CSNK1A1: variants seen among roughly 807,000 people sequenced by gnomAD.
CSNK1A1 encodes casein kinase I isoform alpha.
In CSNK1A1, 7 loss-of-function variants were observed where a neutral mutation model predicts 46.1. The observed-to-expected ratio is 0.15, with a 90% CI of 0.09 to 0.29. CSNK1A1 has a LOEUF of 0.29. Among genes scored for constraint, CSNK1A1 ranks in the 10% least tolerant of loss-of-function variants. The probability of loss-of-function intolerance (pLI) is 1.00; values close to 1 mark genes in which losing one functional copy is unlikely to be tolerated. For missense variants in CSNK1A1, 96 were observed against 417.1 expected, an observed-to-expected ratio of 0.23 and a Z score of 6.71; for synonymous variants, 137 against 141.5, an observed-to-expected ratio of 0.97 and a Z score of 0.23.
intron 5 of CSNK1A1, among the ~76,000 whole-genome samples, chr5:149,512,300 T>C (rs1465893588): frequency 6.6e-6 from 1 of 151,924 alleles, no homozygotes; most frequent in African/African-American, 2.4e-5. Flanking sequence ...TACACATACA[T>C]ACAAATATAT....
chr5:149,542,617 T>C (rs1255832090), intron 2 of CSNK1A1, among the ~76,000 whole-genome samples: 7 of 11,800 alleles, frequency 5.9e-4, no homozygotes, highest in South Asian at 3.5e-3. Flanking sequence ...TATATATATA[T>C]ATATATATAT....
chr5:149,498,185 A>G, intron 9 of CSNK1A1: 1 of 985,272 alleles, frequency 1.0e-6, no homozygotes, highest in Non-Finnish European at 1.2e-6. Flanking sequence ...TTGTGGGAGA[A>G]ACAAAATAAT....
At chr5:149,507,568 C>T (rs1268630505) in intron 7 of CSNK1A1, among the ~76,000 whole-genome samples, 1 of 152,030 alleles carries the variant, frequency 6.6e-6, no homozygotes, top group East Asian at 1.9e-4. Context: ...TTCAAGCGAT[C>T]CTCCAACCTC....
chr5:149,522,041 T>TCAAATTA (rs1280361279), intron 3 of CSNK1A1, among the ~76,000 whole-genome samples: 2 of 152,194 alleles, frequency 1.3e-5, no homozygotes, highest in Non-Finnish European at 2.9e-5. Context: ...TGTCATTATG[T>TCAAATTA]AAACAAATTT....
chr5:149,498,921 G>T (rs1230726040), intron 9 of CSNK1A1: 2 of 985,248 alleles, frequency 2.0e-6, no homozygotes, highest in Admixed American at 1.2e-4. Flanking sequence ...CTGAGGAATT[G>T]CTGAGTCAAT....
At chr5:149,549,965 G>A in intron 2 of CSNK1A1, 110 bp downstream of exon 2, 2 of 1,311,554 alleles carry the variant, frequency 1.5e-6, no homozygotes, top group Non-Finnish European at 2.1e-6. Context: ...AGGGAACCCA[G>A]GTAACTAAAA....
chr5:149,549,948 C>T, intron 2 of CSNK1A1, 127 bp downstream of exon 2: 2 of 1,099,282 alleles, frequency 1.8e-6, no homozygotes, highest in Non-Finnish European at 1.3e-6. Context: ...AGGAAACCAC[C>T]AGCTATAGGG....
At chr5:149,546,690 T>C (rs1483789757) in intron 2 of CSNK1A1, among the ~76,000 whole-genome samples, 1 of 150,814 alleles carries the variant, frequency 6.6e-6, no homozygotes, top group East Asian at 1.9e-4. Flanking sequence ...AGGGAAGGGA[T>C]TGAACAAATT....
intron 2 of CSNK1A1, among the ~76,000 whole-genome samples, chr5:149,526,691 T>A (rs1761734319): frequency 6.6e-6 from 1 of 151,712 alleles, no homozygotes; most frequent in Non-Finnish European, 1.5e-5. Flanking sequence ...AAGAAAAGAG[T>A]CTATTCTAAC....
intron 4 of CSNK1A1, among the ~76,000 whole-genome samples, chr5:149,519,957 G>T (rs920067994): frequency 6.6e-6 from 1 of 152,156 alleles, no homozygotes; most frequent in Non-Finnish European, 1.5e-5. Flanking sequence ...AGGAAGAAAA[G>T]AATATGGGGG....
intron 2 of CSNK1A1, among the ~76,000 whole-genome samples, chr5:149,535,533 A>G (rs933277898): frequency 6.6e-6 from 1 of 152,252 alleles, no homozygotes; most frequent in African/African-American, 2.4e-5. Context: ...TTAAAAAGGG[A>G]TAACATGTAC....
At chr5:149,504,381 C>A in intron 9 of CSNK1A1, 1 of 977,614 alleles carries the variant, frequency 1.0e-6, no homozygotes, top group Non-Finnish European at 1.2e-6. Context: ...AAATACAACA[C>A]TAAAAATGTG....
At chr5:149,544,225 T>C (rs897324598) in intron 2 of CSNK1A1, among the ~76,000 whole-genome samples, 3 of 152,204 alleles carry the variant, frequency 2.0e-5, no homozygotes, top group Non-Finnish European at 4.4e-5. Flanking sequence ...CAATCCTTTT[T>C]TTATGTTCTA....
At chr5:149,502,400 G>T in intron 9 of CSNK1A1, 2 of 717,218 alleles carry the variant, frequency 2.8e-6, no homozygotes, top group Non-Finnish European at 3.4e-6. Context: ...GAGTGCAGTG[G>T]CATGATCACA....
intron 5 of CSNK1A1, among the ~76,000 whole-genome samples, chr5:149,512,165 G>A (rs1031431197): frequency 4.6e-5 from 7 of 151,628 alleles, no homozygotes; most frequent in Admixed American, 6.6e-5. Flanking sequence ...AATGAACCAA[G>A]CAGGATGACA....
chr5:149,528,992 C>T (rs982486398), intron 2 of CSNK1A1, among the ~76,000 whole-genome samples: 4 of 152,062 alleles, frequency 2.6e-5, no homozygotes, highest in Admixed American at 1.3e-4. Context: ...AAGTACAAGA[C>T]GTGTTGCTAC....
intron 2 of CSNK1A1, among the ~76,000 whole-genome samples, chr5:149,537,089 C>T (rs1354047782): frequency 1.3e-5 from 2 of 151,952 alleles, no homozygotes; most frequent in East Asian, 3.9e-4. Flanking sequence ...AAAAAGCAGT[C>T]GCCTGGCCAG....
intron 2 of CSNK1A1, 150 bp downstream of exon 2, chr5:149,549,925 A>T: frequency 1.3e-6 from 1 of 789,928 alleles, no homozygotes; most frequent in Non-Finnish European, 2.0e-6. Flanking sequence ...AGTAATTGAG[A>T]TGACTGACTT....
chr5:149,501,195 C>T, intron 9 of CSNK1A1: 1 of 985,378 alleles, frequency 1.0e-6, no homozygotes, highest in Non-Finnish European at 1.2e-6. Context: ...TGACCACAAA[C>T]CAACTCTTGC....
Sources: allele counts gnomAD v4.1 joint callset (sites outside exome capture counted in the v4.1 genomes callset), GRCh38; gene constraint gnomAD v4.1.1; transcripts MANE v1.5; gene names NCBI Gene and HGNC (gene_info 2026-07-23, HGNC 2026-07-21).